The following MARK3 variants were observed in gnomAD, a reference collection of about 807,000 sequenced individuals.
MARK3 encodes microtubule affinity regulating kinase 3.
MARK3 carries 46 observed loss-of-function variants against 90.1 expected under a neutral mutation model. The observed-to-expected ratio is 0.51, with a 90% CI of 0.40 to 0.65. MARK3 has a LOEUF of 0.65. Ranked by LOEUF, MARK3 falls within the 30% of genes least tolerant of loss-of-function variation. The probability of loss-of-function intolerance (pLI) is 0.00; values close to 1 mark genes in which losing one functional copy is unlikely to be tolerated. For missense variants in MARK3, 818 were observed against 947.2 expected (o/e 0.86, Z 1.79); for synonymous variants, 321 against 332.6 (o/e 0.97, Z 0.38).
chr14:103,425,672 G>A (rs2092380959), intron 2 of MARK3, among the ~76,000 whole-genome samples: 1 of 152,178 alleles, frequency 6.6e-6, no homozygotes, highest in East Asian at 1.9e-4. Flanking sequence ...TGTTTCAGTA[G>A]TCAGTATTTT....
chr14:103,396,957 T>C (rs957412177), intron 1 of MARK3, among the ~76,000 whole-genome samples: 13 of 152,210 alleles, frequency 8.5e-5, no homozygotes, highest in African/African-American at 2.9e-4. Flanking sequence ...TCAAAGACAG[T>C]ATTTCAAAAA....
chr14:103,397,022 TTAAA>T (rs755150094), intron 1 of MARK3, among the ~76,000 whole-genome samples: 3 of 152,194 alleles, frequency 2.0e-5, no homozygotes, highest in Non-Finnish European at 2.9e-5. Context: ...GTATATTGAG[TTAAA>T]TAAAATGGTA....
At chr14:103,387,360 T>C (rs2140415451) in intron 1 of MARK3, among the ~76,000 whole-genome samples, 1 of 152,334 alleles carries the variant, frequency 6.6e-6, no homozygotes, top group South Asian at 2.1e-4. Flanking sequence ...GTGATGTACC[T>C]TTCTCCACCT....
chr14:103,446,995 G>GT (rs2093013423), intron 3 of MARK3, among the ~76,000 whole-genome samples: 1 of 152,130 alleles, frequency 6.6e-6, no homozygotes, highest in Non-Finnish European at 1.5e-5. Context: ...AACATAAAAT[G>GT]TAGGAATTAC....
At chr14:103,406,051 C>T (rs1365982579) in intron 2 of MARK3, among the ~76,000 whole-genome samples, 3 of 151,694 alleles carry the variant, frequency 2.0e-5, no homozygotes, top group South Asian at 2.1e-4. Context: ...CTGCCACACC[C>T]GGCTAATGTT....
At chr14:103,425,097 T>G (rs911362056) in intron 2 of MARK3, among the ~76,000 whole-genome samples, 1 of 151,772 alleles carries the variant, frequency 6.6e-6, no homozygotes, top group Non-Finnish European at 1.5e-5. Context: ...CATGCCACCA[T>G]GCCCAGCTAA....
At chr14:103,483,552 T>C (rs1198553269) in intron 14 of MARK3, among the ~76,000 whole-genome samples, 1 of 152,262 alleles carries the variant, frequency 6.6e-6, no homozygotes, top group Non-Finnish European at 1.5e-5. Context: ...AAAATTAGTT[T>C]TATTAATTGG....
intron 1 of MARK3, among the ~76,000 whole-genome samples, chr14:103,399,542 G>GA (rs2090808880): frequency 6.6e-6 from 1 of 151,548 alleles, no homozygotes; most frequent in African/African-American, 2.4e-5. Flanking sequence ...CTAAAAATAC[G>GA]AAAAAAATTA....
At chr14:103,428,298 G>A (rs2092474599) in intron 2 of MARK3, 89 bp from the exon 3 acceptor site, 1 of 640,676 alleles carries the variant, frequency 1.6e-6, no homozygotes. Flanking sequence ...TTGCTTGCTT[G>A]CTTGCTTCTT....
chr14:103,458,822 T>A (rs1418934556), intron 6 of MARK3: 1 of 638,972 alleles, frequency 1.6e-6, no homozygotes, highest in African/African-American at 1.8e-5. Context: ...ATTAAGTTTC[T>A]TATAAACGTT....
At chr14:103,473,074 A>G (rs12434605) in intron 12 of MARK3, among the ~76,000 whole-genome samples, 149,512 of 152,264 alleles carry the variant, frequency 0.98, 73,478 homozygotes, top group East Asian at 1. Context: ...ATTATACTGC[A>G]TGAAAGTACA....
chr14:103,449,529 G>A (rs1313863879), intron 4 of MARK3, among the ~76,000 whole-genome samples: 1 of 151,998 alleles, frequency 6.6e-6, no homozygotes, highest in Non-Finnish European at 1.5e-5. Context: ...TTTGAAAGAT[G>A]GAATACTTGC....
intron 3 of MARK3, among the ~76,000 whole-genome samples, chr14:103,433,779 G>A (rs1051570188): frequency 2.0e-5 from 3 of 152,122 alleles, no homozygotes; most frequent in African/African-American, 7.2e-5. Flanking sequence ...ACTTAATTTA[G>A]GTTTGGGAAT....
At chr14:103,409,276 A>G (rs1248151454) in intron 2 of MARK3, among the ~76,000 whole-genome samples, 1 of 151,940 alleles carries the variant, frequency 6.6e-6, no homozygotes, top group Non-Finnish European at 1.5e-5. Flanking sequence ...GGAGGGGAAC[A>G]TCACACACCA....
chr14:103,493,850 G>A (rs1478552943), intron 15 of MARK3, among the ~76,000 whole-genome samples: 1 of 149,772 alleles, frequency 6.7e-6, no homozygotes, highest in Non-Finnish European at 1.5e-5. Flanking sequence ...ACTCTAGTCT[G>A]GGTGACAAAG....
In MARK3 at chr14:103,448,980, T is replaced by G; in HGVS notation, c.346+13T>G. 1 of 1,562,604 alleles carries G rather than the reference T, an allele frequency of 6.4e-7. No individual in the cohort carries two copies. Among genetic ancestry groups the G allele is most frequent in the East Asian group, 2.3e-5 (1 of 44,014 alleles). On this transcript the variant is annotated intron_variant, in intron 4 of 17. Transcript: ENST00000429436. ...CATCCCAATATAGGTACTTTCTGCT[T>G]TTTTAAATATTTTGGGGTCTAAATA... is the stretch of plus-strand genomic sequence containing the variant.
At position 103,385,827 on chromosome 14, in the gene MARK3, C is replaced by G. The variant is rs11541718; in HGVS notation, c.-203C>G. On this transcript the variant is annotated 5_prime_UTR_variant, in exon 1 of 18. Coordinates refer to ENST00000429436, the MANE Select transcript of MARK3 (RefSeq NM_001128918.3). ...GGTCTCCTCGCCTCGGCCGCCGAGGCAGGGAGAGAATGAGCCCCGGGACCC... is the reference window on the plus strand; with the variant it reads ...GGTCTCCTCGCCTCGGCCGCCGAGGGAGGGAGAGAATGAGCCCCGGGACCC... 144,144 of 463,560 alleles carry G rather than the reference C, an allele frequency of 0.31. 24,922 individuals are homozygous for G. Among genetic ancestry groups the G allele is most frequent in the Non-Finnish European group, 0.36 (93,535 of 263,312 alleles). 28.7% of individuals were successfully genotyped at this position (463,560 alleles called of 1,614,324 possible).
At chr14:103,399,233 C>T (rs1311352611) in intron 1 of MARK3, among the ~76,000 whole-genome samples, 3 of 152,108 alleles carry the variant, frequency 2.0e-5, no homozygotes, top group African/African-American at 7.2e-5. Flanking sequence ...CAGTGATTTA[C>T]AATTCATGCT....
chr14:103,483,557 A>T (rs1050417682), intron 14 of MARK3, among the ~76,000 whole-genome samples: 1 of 152,186 alleles, frequency 6.6e-6, no homozygotes, highest in Non-Finnish European at 1.5e-5. Context: ...TAGTTTTATT[A>T]ATTGGTTCTT....
Sources: allele counts gnomAD v4.1 joint callset (sites outside exome capture counted in the v4.1 genomes callset), GRCh38; gene constraint gnomAD v4.1.1; transcripts MANE v1.5; gene names NCBI Gene and HGNC (gene_info 2026-07-23, HGNC 2026-07-21).